Variants in VWCE observed in about 807,000 individuals in gnomAD.
VWCE encodes the protein von Willebrand factor C and EGF domains, also known as von Willebrand factor C and EGF domain-containing protein.
In VWCE, 68 loss-of-function variants were observed where a neutral mutation model predicts 102.9. The ratio of observed to expected loss-of-function variants is 0.66; its 90% confidence interval spans 0.54 to 0.81. The LOEUF is 0.81. VWCE is among the 30% of genes least tolerant of loss of function. VWCE has a pLI of 0.00. For missense variants in VWCE, 1,137 were observed against 1,263.6 expected, an observed-to-expected ratio of 0.90 and a Z score of 1.52; for synonymous variants, 497 against 515.4, an observed-to-expected ratio of 0.96 and a Z score of 0.48.
intron 19 of VWCE, among the ~76,000 whole-genome samples, chr11:61,261,462 G>A (rs1452189687): frequency 6.6e-6 from 1 of 151,760 alleles, no homozygotes; most frequent in African/African-American, 2.4e-5. Context: ...ATCAAAAGAG[G>A]CTGGGCTCAG....
In VWCE at chr11:61,259,092, C is replaced by T. The variant is rs1327494379; in HGVS notation, c.2451G>A (p.Pro817=). 5.0e-6 allele frequency: 8 copies of T among 1,613,920 alleles called. No individual in the cohort carries two copies. Among genetic ancestry groups the T allele is most frequent in the East Asian group, 4.5e-5 (2 of 44,878 alleles). The change falls in exon 20 of 20, where the codon CCG becomes CCA. Residue 817 remains proline, a synonymous_variant. Transcript: ENST00000335613. ...GTGAGTGTGGACCATGAGCTCCTGC[C>T]GGGCTTGTAGGTAAAGTCTGTGTTT... ...LMKTQTLPTS[P]AGAHGPHSLA...
intron 10 of VWCE, among the ~76,000 whole-genome samples, chr11:61,277,518 T>C (rs1854965975): frequency 6.6e-6 from 1 of 150,588 alleles, no homozygotes; most frequent in Non-Finnish European, 1.5e-5. Context: ...GAGACTGAGA[T>C]GGGAGGATCG....
intron 10 of VWCE, 33 bp downstream of exon 10, chr11:61,278,361 C>T (rs1854996414): frequency 5.6e-6 from 9 of 1,611,856 alleles, no homozygotes; most frequent in Admixed American, 1.7e-5. Context: ...TAAGAAAACA[C>T]CCACGAGGCT....
At chr11:61,265,335 A>G (rs1854480906) in intron 16 of VWCE, 123 bp from the exon 17 acceptor site, 2 of 878,564 alleles carry the variant, frequency 2.3e-6, no homozygotes, top group African/African-American at 1.7e-5. Flanking sequence ...GGAGGAGTCC[A>G]TGGTGGGGCA....
At chr11:61,264,837 C>T (rs1015709070) in intron 18 of VWCE, 119 bp downstream of exon 18, 22 of 1,138,536 alleles carry the variant, frequency 1.9e-5, no homozygotes, top group Middle Eastern at 2.9e-4. Flanking sequence ...TAATTAAAGG[C>T]GGAGGATGGC....
At position 61,294,004 on chromosome 11, in the gene VWCE, A is replaced by T. The variant is rs1855595079; in HGVS notation, c.110+924T>A. Among the ~76,000 whole-genome samples, 2 of 152,078 alleles carry T rather than the reference A, an allele frequency of 1.3e-5. No individual in the cohort carries two copies. The highest frequency in any genetic ancestry group is 1.3e-4 in the Admixed American group (2 of 15,278). On this transcript the variant is annotated intron_variant, in intron 1 of 19. Coordinates refer to ENST00000335613, the MANE Select transcript of VWCE (RefSeq NM_152718.2). This position sits in a 1 kb window ranked among gnomAD's most constrained non-coding sequence, Gnocchi z 6.3. ...CCGGGCGAATGAGCGGAGCCTTGGGACTCTCAGAAACGGACAGGCAGTGCC... is the reference window on the plus strand; with the variant it reads ...CCGGGCGAATGAGCGGAGCCTTGGGTCTCTCAGAAACGGACAGGCAGTGCC...
chr11:61,270,141 A>G (rs549948612), intron 14 of VWCE, among the ~76,000 whole-genome samples: 2 of 151,522 alleles, frequency 1.3e-5, no homozygotes, highest in South Asian at 4.2e-4. Context: ...GGATGGTCTC[A>G]ATCTCCTGAC....
chr11:61,268,913 G>A lies in VWCE; in HGVS notation c.1882+9C>T. On this transcript the variant is annotated intron_variant, in intron 15 of 19. Transcript: ENST00000335613. ...GCCCTGGGGGCTTGGGGCAGAGGCA[G>A]GGGATTACCTGCTGAACAGTCTGGG... 6.2e-7 allele frequency: 1 copy of A among 1,613,902 alleles called. No homozygotes were observed. The highest frequency in any genetic ancestry group is 8.5e-7 in the Non-Finnish European group (1 of 1,179,966).
intron 13 of VWCE, among the ~76,000 whole-genome samples, chr11:61,272,163 CACACAG>C (rs1854732730): frequency 6.6e-6 from 1 of 150,864 alleles, no homozygotes; most frequent in Admixed American, 6.6e-5. Flanking sequence ...TTTACATACA[CACACAG>C]ATACAACACA....
At position 61,258,994 on chromosome 11, in the gene VWCE, G is replaced by A. The variant is rs928671720; in HGVS notation, c.2549C>T (p.Thr850Ile). 6.2e-7 allele frequency: 1 copy of A among 1,611,932 alleles called. No individual in the cohort carries two copies. Among genetic ancestry groups the A allele is most frequent in the Non-Finnish European group, 8.5e-7 (1 of 1,178,940 alleles). The stretch of plus-strand genomic sequence containing the variant: ...AGGTAGAGTGGGGGCTCCTGGAGGG[G>A]TCGAAGGCCCTGGTGAGAGTCGAGG... ...ASPRLSPGPS[T>I]PPGAPTLPLA... Residue 850 changes from threonine to isoleucine, a missense_variant, in exon 20 of 20, where the codon ACC (threonine) becomes ATC (isoleucine). Thr to Ile is a moderately conservative substitution (Grantham distance 89). Transcript: ENST00000335613.
At chr11:61,290,503 C>G (rs1412662180) in intron 4 of VWCE, among the ~76,000 whole-genome samples, 9 of 135,896 alleles carry the variant, frequency 6.6e-5, no homozygotes, top group Non-Finnish European at 1.4e-4. Context: ...AAGAGTGAAA[C>G]TTCGTCTCAA....
intron 13 of VWCE, among the ~76,000 whole-genome samples, chr11:61,272,063 A>G (rs1477537217): frequency 6.6e-6 from 1 of 152,288 alleles, no homozygotes; most frequent in Non-Finnish European, 1.5e-5. Flanking sequence ...ACAGACACAC[A>G]TGCTGATACA....
chr11:61,293,241 CAAAA>C (rs764741197), intron 1 of VWCE, among the ~76,000 whole-genome samples: 3 of 18,048 alleles, frequency 1.7e-4, no homozygotes, highest in Admixed American at 5.7e-4. Flanking sequence ...AACTCCATCT[CAAAA>C]AAAAAAAAAA....
intron 15 of VWCE, 83 bp downstream of exon 15, chr11:61,268,839 G>C: frequency 7.2e-7 from 1 of 1,387,524 alleles, no homozygotes; most frequent in Non-Finnish European, 1.0e-6. Context: ...AGGACGACAT[G>C]AGATGAAGGC....
chr11:61,273,977 G>A (rs1337203661), intron 12 of VWCE, among the ~76,000 whole-genome samples: 5 of 151,952 alleles, frequency 3.3e-5, no homozygotes, highest in African/African-American at 7.3e-5. Flanking sequence ...TTGGTAAGTC[G>A]CCTGCACTGG....
rs1333670343 is a variant in VWCE, at chr11:61,280,677, G to A, written c.1271C>T (p.Ala424Val). 6.2e-7 allele frequency: 1 copy of A among 1,614,076 alleles called. No homozygotes were observed. Among genetic ancestry groups the A allele is most frequent in the Non-Finnish European group, 8.5e-7 (1 of 1,180,018 alleles). Residue 424 changes from alanine (A) to valine (V), a missense_variant, in exon 9 of 20, where the codon GCT becomes GTT. By Grantham distance (64) the Ala-to-Val change is moderately conservative. Transcript: ENST00000335613. ...TCTGGAGGGAATTGGGTGGGAACAA[G>A]CAGCTTCACACCTCACCTTTTCACA... ...VTCEKVRCEA[A>V]CSHPIPSRDG...
intron 7 of VWCE, among the ~76,000 whole-genome samples, chr11:61,281,440 G>A (rs1457402960): frequency 6.6e-6 from 1 of 152,184 alleles, no homozygotes; most frequent in Non-Finnish European, 1.5e-5. Context: ...AGGATACTCG[G>A]ACTCCTGTTG....
At chr11:61,285,911 G>A (rs1250877770) in intron 5 of VWCE, among the ~76,000 whole-genome samples, 3 of 152,102 alleles carry the variant, frequency 2.0e-5, no homozygotes, top group African/African-American at 4.8e-5. Context: ...TCGCCACCAC[G>A]CCTGGCTAAT....
rs754177073 is a variant in VWCE, at chr11:61,259,098, T to G, written c.2445A>C (p.Thr815=). The stretch of plus-strand genomic sequence containing the variant: ...GTGGACCATGAGCTCCTGCCGGGCT[T>G]GTAGGTAAAGTCTGTGTTTTCATCA... ...TNLMKTQTLP[T]SPAGAHGPHS... Residue 815 remains threonine, a synonymous_variant, in exon 20 of 20, where the codon ACA becomes ACC. Coordinates refer to ENST00000335613, the MANE Select transcript of VWCE (RefSeq NM_152718.2). 1.9e-6 allele frequency: 3 copies of G among 1,613,914 alleles called. No individual in the cohort carries two copies. The highest frequency in any genetic ancestry group is 2.5e-6 in the Non-Finnish European group (3 of 1,179,948).
Sources: gnomAD v4.1 joint callset for allele counts (sites outside exome capture counted in the v4.1 genomes callset) on GRCh38, gnomAD v4.1.1 for gene constraint, Gnocchi (gnomAD v3.1) non-coding constraint, MANE v1.5 for transcripts, NCBI Gene and HGNC (gene_info 2026-07-23, HGNC 2026-07-21) for gene names.